WDR20: variants seen among roughly 807,000 people sequenced by gnomAD.
The protein encoded by WDR20 is WD repeat domain 20.
WDR20 carries 3 observed loss-of-function variants against 38.7 expected under a neutral mutation model. The observed-to-expected ratio is 0.08, with a 90% CI of 0.04 to 0.20. WDR20 has a LOEUF of 0.20. WDR20 is among the 10% of genes least tolerant of loss of function. The pLI is 1.00. For synonymous variants in WDR20, 298 were observed against 285.6 expected (o/e 1.04, Z -0.44); for missense variants, 559 against 727.7 (o/e 0.77, Z 2.67).
At chr14:102,201,181 A>T (rs905756912) in intron 2 of WDR20, among the ~76,000 whole-genome samples, 8 of 152,174 alleles carry the variant, frequency 5.3e-5, no homozygotes, top group African/African-American at 1.7e-4. Flanking sequence ...CCCTCTTCAG[A>T]TGCCTTTACA....
intron 1 of WDR20, among the ~76,000 whole-genome samples, chr14:102,185,618 G>A (rs1467072573): frequency 6.6e-6 from 1 of 152,066 alleles, no homozygotes; most frequent in East Asian, 1.9e-4. Flanking sequence ...CAGGTTTGTA[G>A]CGAGGTTTCA....
At chr14:102,168,541 A>C (rs1220711612) in intron 1 of WDR20, among the ~76,000 whole-genome samples, 1 of 152,150 alleles carries the variant, frequency 6.6e-6, no homozygotes, top group African/African-American at 2.4e-5. Context: ...GTGTTTTTTC[A>C]ATTTTAAAAT....
In WDR20 at chr14:102,209,732, C is replaced by T; in HGVS notation, c.1562C>T (p.Pro521Leu). 1 of 1,614,062 alleles carries T rather than the reference C, an allele frequency of 6.2e-7. No individual in the cohort carries two copies. The stretch of plus-strand genomic sequence containing the variant: ...CTGTGTCCTCGAATGGAAGATGTTC[C>T]CTTGTTAGAGCCGCTGATATGTAAA... ...TPLCPRMEDV[P>L]LLEPLICKKI... The change falls in exon 3 of 3, where the codon CCC becomes CTC. Residue 521 changes from proline to leucine, a missense_variant. Pro to Leu is a moderately conservative substitution (Grantham distance 98). Transcript: ENST00000342702. The surrounding 1 kb of genome is among the most constrained non-coding windows in gnomAD (Gnocchi z 6.0).
At chr14:102,164,989 C>G (rs541954877) in intron 1 of WDR20, among the ~76,000 whole-genome samples, 1 of 152,212 alleles carries the variant, frequency 6.6e-6, no homozygotes, top group African/African-American at 2.4e-5. Context: ...AAAACTTCTA[C>G]GACATATGCT....
At chr14:102,191,188 G>A (rs1027927726) in intron 1 of WDR20, 21 of 152,170 alleles carry the variant, frequency 1.4e-4, no homozygotes, top group African/African-American at 5.1e-4. Context: ...GAGGAAACTT[G>A]CACTTTGCCC....
chr14:102,193,587 AC>A, intron 1 of WDR20: 1 of 1,478,006 alleles, frequency 6.8e-7, no homozygotes, highest in Non-Finnish European at 9.3e-7. Flanking sequence ...ACTACTTGTT[AC>A]CGCTCAGGTC....
chr14:102,190,082 G>T (rs1218692135), intron 1 of WDR20, among the ~76,000 whole-genome samples: 2 of 152,152 alleles, frequency 1.3e-5, no homozygotes, highest in Non-Finnish European at 2.9e-5. Context: ...GTTGTGTGGA[G>T]GGCCAGTGAA....
chr14:102,140,278 T>TA, intron 1 of WDR20, 106 bp downstream of exon 1: 3 of 1,509,252 alleles, frequency 2.0e-6, no homozygotes, highest in Non-Finnish European at 2.7e-6. Context: ...CCGTCGCTCT[T>TA]ACTTTTGAGT....
At chr14:102,142,774 C>CTGTT (rs1193456475) in intron 1 of WDR20, among the ~76,000 whole-genome samples, 1,095 of 84,954 alleles carry the variant, frequency 0.013, 47 homozygotes, top group African/African-American at 0.044. Flanking sequence ...GCTGTTTTGA[C>CTGTT]TTTTTTTTTT....
Position 102,222,683 on chromosome 14 carries a change from T to C in WDR20, c.1693-147T>C, listed in dbSNP as rs745588070. 10 of 771,798 alleles carry C rather than the reference T, an allele frequency of 1.3e-5. No homozygotes were observed. Among genetic ancestry groups the C allele is most frequent in the Non-Finnish European group, 2.3e-5 (10 of 443,472 alleles). 47.8% of individuals were successfully genotyped at this position (771,798 alleles called of 1,614,324 possible). A position where few individuals can be genotyped will look rare whatever the true frequency, so the allele number is the denominator to read the frequency against. ...CGCAGTGATCTGGATAGGAATTAAA[T>C]AGATGAAGTGGAGGGTTTGCTCCCA... On this transcript the variant is annotated intron_variant, in intron 3 of 3. Coordinates refer to the WDR20 transcript ENST00000335263. The surrounding 1 kb of genome is among the most constrained non-coding windows in gnomAD (Gnocchi z 4.4).
At chr14:102,176,970 C>T (rs186188480) in intron 1 of WDR20, among the ~76,000 whole-genome samples, 41 of 152,204 alleles carry the variant, frequency 2.7e-4, no homozygotes, top group African/African-American at 7.7e-4. Flanking sequence ...TCAGGTGATC[C>T]GCCTGCCTTG....
chr14:102,173,434 ATTATTATTATTATT>A (rs2061394125), intron 1 of WDR20, among the ~76,000 whole-genome samples: 15 of 698 alleles, frequency 0.021, no homozygotes, highest in Admixed American at 0.18. Flanking sequence ...TTTTTTTAAA[ATTATTATTATTATT>A]ATTATTATTA....
chr14:102,177,039 A>G (rs1374560696), intron 1 of WDR20, among the ~76,000 whole-genome samples: 1 of 152,038 alleles, frequency 6.6e-6, no homozygotes, highest in Non-Finnish European at 1.5e-5. Flanking sequence ...TGCAGTTACC[A>G]TTTCTACCAT....
At position 102,208,920 on chromosome 14, in the gene WDR20, C is replaced by T; in HGVS notation, c.750C>T (p.Asp250=). 22 of 1,614,216 alleles carry T rather than the reference C, an allele frequency of 1.4e-5. No individual in the cohort carries two copies. Among genetic ancestry groups the T allele is most frequent in the Non-Finnish European group, 1.9e-5 (22 of 1,180,040 alleles). Reference sequence around the variant, plus strand: ...GGTTTCTGCGGGTGTTCAACTTTGACTCAGTGGAGCTGCACGGTACGATGA... The same window carrying T: ...GGTTTCTGCGGGTGTTCAACTTTGATTCAGTGGAGCTGCACGGTACGATGA... ...QDGFLRVFNF[D]SVELHGTMKS... The change falls in exon 3 of 3, where the codon GAC becomes GAT. Residue 250 remains aspartate, a synonymous_variant. Transcript: ENST00000342702. The surrounding 1 kb of genome is among the most constrained non-coding windows in gnomAD (Gnocchi z 5.6).
chr14:102,195,554 G>A (rs1282285081), intron 2 of WDR20, among the ~76,000 whole-genome samples: 2 of 152,214 alleles, frequency 1.3e-5, no homozygotes, highest in African/African-American at 2.4e-5. Flanking sequence ...CAGTCATTTG[G>A]CTAAGGAGTA....
At chr14:102,224,837 A>G, downstream of WDR20, 1 of 455,498 alleles carries the variant, frequency 2.2e-6, no homozygotes, top group Non-Finnish European at 4.4e-6. Context: ...TTGCTGTTCT[A>G]AATGAAAGAA....
At chr14:102,192,177 C>T (rs1404252487) in intron 1 of WDR20, among the ~76,000 whole-genome samples, 1 of 151,426 alleles carries the variant, frequency 6.6e-6, no homozygotes, top group African/African-American at 2.4e-5. Context: ...GAATATTTAC[C>T]TGAATTTTTT....
At chr14:102,177,237 CTATT>C (rs1375558904) in intron 1 of WDR20, among the ~76,000 whole-genome samples, 1 of 152,202 alleles carries the variant, frequency 6.6e-6, no homozygotes, top group Non-Finnish European at 1.5e-5. Context: ...ACTTGTTTAT[CTATT>C]TGTCTCACTC....
At chr14:102,216,146 C>T (rs368674378), downstream of WDR20, among the ~76,000 whole-genome samples, 244 of 152,280 alleles carry the variant, frequency 1.6e-3, 1 homozygote, top group Middle Eastern at 6.8e-3. Flanking sequence ...CTCTGGAGTG[C>T]GGGGTCAGCA....
Sources: gnomAD v4.1 joint callset for allele counts (sites outside exome capture counted in the v4.1 genomes callset) on GRCh38, gnomAD v4.1.1 for gene constraint, Gnocchi (gnomAD v3.1) non-coding constraint, MANE v1.5 for transcripts, NCBI Gene and HGNC (gene_info 2026-07-23, HGNC 2026-07-21) for gene names.